STPG1: variants seen among roughly 807,000 people sequenced by gnomAD.
STPG1 encodes sperm tail PG-rich repeat containing 1, also known as O(6)-methylguanine-induced apoptosis 2.
A neutral mutation model predicts 40.1 loss-of-function variants in STPG1; 33 were observed. That is an observed-to-expected ratio of 0.82 (90% CI 0.62 to 1.10). STPG1 has a LOEUF of 1.10. STPG1 is among the 50% of genes least tolerant of loss of function. The pLI, the probability that STPG1 is intolerant of heterozygous loss-of-function variation, is 0.00. For synonymous variants in STPG1, 150 were observed against 155.0 expected (o/e 0.97, Z 0.24); for missense variants, 396 against 415.1 (o/e 0.95, Z 0.40).
chr1:24,394,225 C>T lies in STPG1; in HGVS notation c.71-2546G>A, dbSNP rs148826528. On this transcript the variant is annotated intron_variant, in intron 2 of 8. Coordinates refer to ENST00000337248, the MANE Select transcript of STPG1 (RefSeq NM_001199013.2). ...CGGGAAAACCTCATAATTCATGGAA[C>T]ATAGAGTATGCAGGAGGGTTTCGCC... is the stretch of plus-strand genomic sequence containing the variant. Among the ~76,000 whole-genome samples, 495 of 152,288 alleles carry T rather than the reference C, an allele frequency of 3.3e-3. 7 individuals are homozygous for T. The highest frequency in any genetic ancestry group is 0.011 in the African/African-American group (441 of 41,546).
At chr1:24,371,605 A>AAG (rs976164413) in intron 6 of STPG1, among the ~76,000 whole-genome samples, 1 of 152,094 alleles carries the variant, frequency 6.6e-6, no homozygotes, top group African/African-American at 2.4e-5. Flanking sequence ...AAAAAAAAAA[A>AAG]AATGTTCCCA....
chr1:24,372,225 G>A (rs896054776), intron 6 of STPG1, among the ~76,000 whole-genome samples: 3 of 152,110 alleles, frequency 2.0e-5, no homozygotes, highest in Admixed American at 6.5e-5. Flanking sequence ...TCCAGCTGTT[G>A]GACACTGGGC....
intron 3 of STPG1, among the ~76,000 whole-genome samples, chr1:24,387,424 G>A (rs774974892): frequency 6.6e-5 from 10 of 152,120 alleles, no homozygotes; most frequent in South Asian, 2.1e-4. Flanking sequence ...TAGGCAGGTG[G>A]TGGAGGTAAG....
At position 24,361,011 on chromosome 1, in the gene STPG1, C is replaced by T; in HGVS notation, c.768G>A (p.Gln256=). ...PKNPILNFSA[Q]PSPLPPKPPF... Reference sequence around the variant, plus strand: ...GTGGCTTCGGAGGCAGAGGCGAAGGCTGAGCAGAGAAGTTCAGGATGGGGT... The same window carrying T: ...GTGGCTTCGGAGGCAGAGGCGAAGGTTGAGCAGAGAAGTTCAGGATGGGGT... The change falls in exon 8 of 9, where the codon CAG becomes CAA. Residue 256 remains glutamine, a synonymous_variant. Transcript: ENST00000337248. 6.2e-7 allele frequency: 1 copy of T among 1,612,588 alleles called. No individual in the cohort carries two copies.
In STPG1 at chr1:24,359,809, A is replaced by G. The variant is rs534711455; in HGVS notation, c.928+1042T>C. ...CCATGGTCAGGCTGTGGTAATAGCG[A>G]AAGCGCTCTATAGAGAGCTACAAAT... On this transcript the variant is annotated intron_variant, in intron 8 of 8. Transcript: ENST00000337248. This position sits in a 1 kb window ranked among gnomAD's most constrained non-coding sequence, Gnocchi z 5.3. Among the ~76,000 whole-genome samples the G allele has an allele frequency of 6.6e-6, 1 of 152,368 alleles. No homozygotes were observed. Among genetic ancestry groups the G allele is most frequent in the South Asian group, 2.1e-4 (1 of 4,834 alleles).
intron 3 of STPG1, among the ~76,000 whole-genome samples, chr1:24,385,623 G>A (rs946813668): frequency 6.6e-6 from 1 of 152,088 alleles, no homozygotes; most frequent in Non-Finnish European, 1.5e-5. Context: ...AAGAAGTTGG[G>A]GCCAAAAGAG....
At chr1:24,386,639 C>T (rs1642517754) in intron 3 of STPG1, among the ~76,000 whole-genome samples, 1 of 152,232 alleles carries the variant, frequency 6.6e-6, no homozygotes, top group Admixed American at 6.5e-5. Context: ...GTCAAGCGTT[C>T]TCCTGTGACT....
intron 6 of STPG1, among the ~76,000 whole-genome samples, chr1:24,370,050 C>T (rs538299639): frequency 1.1e-4 from 16 of 152,270 alleles, no homozygotes; most frequent in African/African-American, 3.6e-4. Context: ...ATTTAGTTCT[C>T]GCACTAGCCT....
chr1:24,402,723 A>C (rs1643271878), intron 1 of STPG1, among the ~76,000 whole-genome samples: 1 of 151,246 alleles, frequency 6.6e-6, no homozygotes, highest in Non-Finnish European at 1.5e-5. Context: ...TCCAGAATGG[A>C]CAACAGAGCA....
intron 2 of STPG1, among the ~76,000 whole-genome samples, chr1:24,396,609 T>A (rs1643016994): frequency 1.3e-5 from 2 of 152,218 alleles, no homozygotes; most frequent in Non-Finnish European, 2.9e-5. Flanking sequence ...AAAACTTTAT[T>A]AATAGAAATA....
intron 1 of STPG1, among the ~76,000 whole-genome samples, chr1:24,403,675 T>C (rs931354421): frequency 6.6e-6 from 1 of 152,240 alleles, no homozygotes; most frequent in East Asian, 1.9e-4. Flanking sequence ...ATTGCATATA[T>C]TTTCTTAAAC....
intron 6 of STPG1, among the ~76,000 whole-genome samples, chr1:24,371,662 A>T (rs1641750097): frequency 6.6e-6 from 1 of 152,176 alleles, no homozygotes; most frequent in Admixed American, 6.5e-5. Flanking sequence ...AGCATTTACA[A>T]TACTGGATAA....
At chr1:24,364,151 G>C in intron 7 of STPG1, 1 of 1,474,070 alleles carries the variant, frequency 6.8e-7, no homozygotes, top group South Asian at 1.4e-5. Flanking sequence ...CTGCAAACTC[G>C]AATTCAATTC....
At chr1:24,365,745 C>A (rs922668383) in intron 7 of STPG1, among the ~76,000 whole-genome samples, 3 of 152,196 alleles carry the variant, frequency 2.0e-5, no homozygotes, top group Non-Finnish European at 4.4e-5. Context: ...TCCTTACAAC[C>A]ACATTATGAG....
At chr1:24,382,747 G>C (rs1258132810) in intron 4 of STPG1, among the ~76,000 whole-genome samples, 3 of 151,864 alleles carry the variant, frequency 2.0e-5, no homozygotes, top group African/African-American at 7.3e-5. Flanking sequence ...ATAAGATGTA[G>C]CTACATTTAG....
chr1:24,384,904 T>C (rs1244191192), intron 3 of STPG1, among the ~76,000 whole-genome samples: 1 of 152,234 alleles, frequency 6.6e-6, no homozygotes, highest in Non-Finnish European at 1.5e-5. Context: ...TGGCAGTACC[T>C]GACTTCAGTG....
At chr1:24,386,640 T>C (rs1034336660) in intron 3 of STPG1, among the ~76,000 whole-genome samples, 1 of 152,226 alleles carries the variant, frequency 6.6e-6, no homozygotes, top group Non-Finnish European at 1.5e-5. Flanking sequence ...TCAAGCGTTC[T>C]CCTGTGACTT....
Position 24,399,816 on chromosome 1 carries a change from A to G in STPG1, c.70+1503T>C, listed in dbSNP as rs573823786. On this transcript the variant is annotated intron_variant, in intron 2 of 8. Coordinates refer to ENST00000337248, the MANE Select transcript of STPG1 (RefSeq NM_001199013.2). This position sits in a 1 kb window ranked among gnomAD's most constrained non-coding sequence, Gnocchi z 4.0. ...AATATCCAAAAGGCCAGTCAACATG[A>G]AAAAGTGCTCAATCTCATTGATCTC... 6.6e-6 allele frequency among the ~76,000 whole-genome samples: 1 copy of G among 152,340 alleles called. No individual in the cohort carries two copies. The highest frequency in any genetic ancestry group is 2.4e-5 in the African/African-American group (1 of 41,582).
chr1:24,362,238 T>G (rs1641170474), intron 7 of STPG1, among the ~76,000 whole-genome samples: 1 of 152,234 alleles, frequency 6.6e-6, no homozygotes, highest in Non-Finnish European at 1.5e-5. Flanking sequence ...ACCCAAGTGA[T>G]GTCTTCTTCA....
Sources: gnomAD v4.1 joint callset for allele counts (sites outside exome capture counted in the v4.1 genomes callset) on GRCh38, gnomAD v4.1.1 for gene constraint, Gnocchi (gnomAD v3.1) non-coding constraint, MANE v1.5 for transcripts, NCBI Gene and HGNC (gene_info 2026-07-23, HGNC 2026-07-21) for gene names.